CCDC85A: variants seen among roughly 807,000 people sequenced by gnomAD.
CCDC85A encodes the protein coiled-coil domain-containing protein 85A.
In CCDC85A, 38 loss-of-function variants were observed where a neutral mutation model predicts 50.2. That is an observed-to-expected ratio of 0.76 (90% CI 0.58 to 0.99). CCDC85A has a LOEUF of 0.99. CCDC85A is among the 50% of genes least tolerant of loss of function. The pLI is 0.00. For missense variants in CCDC85A, 820 were observed against 742.0 expected (o/e 1.11, Z -1.22); for synonymous variants, 366 against 301.4 (o/e 1.21, Z -2.22).
chr2:56,344,398 A>T (rs550748435), intron 3 of CCDC85A, among the ~76,000 whole-genome samples: 1 of 152,304 alleles, frequency 6.6e-6, no homozygotes, highest in East Asian at 1.9e-4. Context: ...ATGGAGCAGG[A>T]CAGCATGAGA....
At chr2:56,265,056 T>C (rs76326242) in intron 2 of CCDC85A, among the ~76,000 whole-genome samples, 4,940 of 152,242 alleles carry the variant, frequency 0.032, 96 homozygotes, top group South Asian at 0.1. Context: ...CCTTCCTTTA[T>C]TTTTCTCCAT....
chr2:56,330,430 T>G (rs1478481612), intron 2 of CCDC85A, among the ~76,000 whole-genome samples: 2 of 152,212 alleles, frequency 1.3e-5, no homozygotes, highest in East Asian at 3.9e-4. Flanking sequence ...TAACTGCATC[T>G]TGAATAATTG....
chr2:56,283,935 T>G (rs775615460), intron 2 of CCDC85A, among the ~76,000 whole-genome samples: 1 of 152,108 alleles, frequency 6.6e-6, no homozygotes, highest in Non-Finnish European at 1.5e-5. Flanking sequence ...TTTCTTGTCT[T>G]TTTCCATAGC....
intron 1 of CCDC85A, among the ~76,000 whole-genome samples, chr2:56,186,622 G>C (rs1244772097): frequency 6.6e-6 from 1 of 152,162 alleles, no homozygotes; most frequent in African/African-American, 2.4e-5. Context: ...GTGTGATTTA[G>C]AAGAGTTGGA....
intron 3 of CCDC85A, among the ~76,000 whole-genome samples, chr2:56,357,011 G>A (rs934282556): frequency 2.0e-5 from 3 of 150,470 alleles, no homozygotes; most frequent in African/African-American, 4.9e-5. Flanking sequence ...CCTGGGAGGC[G>A]GAGCTTGCAG....
intron 2 of CCDC85A, among the ~76,000 whole-genome samples, chr2:56,340,811 G>T (rs1674324543): frequency 1.3e-5 from 2 of 148,392 alleles, no homozygotes; most frequent in African/African-American, 4.9e-5. Flanking sequence ...GGGAGGCGGA[G>T]GTTGTGGTGA....
At chr2:56,206,511 AGGCAAGAG>A (rs1029211698) in intron 2 of CCDC85A, among the ~76,000 whole-genome samples, 4 of 152,204 alleles carry the variant, frequency 2.6e-5, no homozygotes, top group East Asian at 1.9e-4. Flanking sequence ...CCATGGTGGG[AGGCAAGAG>A]GGCAAGAGGG....
At chr2:56,268,113 A>C (rs911937537) in intron 2 of CCDC85A, among the ~76,000 whole-genome samples, 1 of 152,212 alleles carries the variant, frequency 6.6e-6, no homozygotes, top group Non-Finnish European at 1.5e-5. Context: ...TATTTTTGGA[A>C]GATTTACATG....
intron 3 of CCDC85A, among the ~76,000 whole-genome samples, chr2:56,356,280 G>T (rs7566181): frequency 0.72 from 108,979 of 151,604 alleles, 39,359 homozygotes; most frequent in East Asian, 0.93. Context: ...AGAGTTTTAA[G>T]CAAAGGGGCC....
intron 2 of CCDC85A, among the ~76,000 whole-genome samples, chr2:56,281,708 GTGAAGTGTC>G (rs1487075534): frequency 1.3e-5 from 2 of 152,080 alleles, no homozygotes; most frequent in Non-Finnish European, 2.9e-5. Flanking sequence ...GTCTTTTTTA[GTGAAGTGTC>G]TGTTCATGGA....
At chr2:56,323,663 C>G (rs1277305188) in intron 2 of CCDC85A, among the ~76,000 whole-genome samples, 1 of 152,142 alleles carries the variant, frequency 6.6e-6, no homozygotes, top group East Asian at 1.9e-4. Context: ...TATCACAAAG[C>G]AAGTAGTTTT....
At chr2:56,234,756 A>T (rs1004294291) in intron 2 of CCDC85A, among the ~76,000 whole-genome samples, 1 of 152,040 alleles carries the variant, frequency 6.6e-6, no homozygotes, top group Admixed American at 6.6e-5. Flanking sequence ...CTCCTTGATT[A>T]TGTATTCATC....
intron 2 of CCDC85A, among the ~76,000 whole-genome samples, chr2:56,246,286 C>A (rs1265295503): frequency 6.6e-6 from 1 of 152,170 alleles, no homozygotes. Flanking sequence ...ATACAAGTTG[C>A]TTATCAAATA....
chr2:56,362,794 AT>A (rs529449779), intron 3 of CCDC85A, among the ~76,000 whole-genome samples: 6 of 149,412 alleles, frequency 4.0e-5, no homozygotes, highest in Non-Finnish European at 7.4e-5. Flanking sequence ...AATTTTTTGT[AT>A]TTTTTTTTAG....
chr2:56,196,592 G>C (rs146305440), intron 2 of CCDC85A, among the ~76,000 whole-genome samples: 1 of 152,104 alleles, frequency 6.6e-6, no homozygotes, highest in African/African-American at 2.4e-5. Context: ...TAGCTGGCAG[G>C]CCTTTGCTTT....
At position 56,192,506 on chromosome 2, in the gene CCDC85A, C is replaced by A. The variant is rs1416652092; in HGVS notation, c.306C>A (p.Asn102Lys). Residue 102 changes from asparagine to lysine, a missense_variant, in exon 2 of 6, where the codon AAC (asparagine) becomes AAA (lysine). Asn to Lys is a moderately conservative substitution (Grantham distance 94, BLOSUM62 0). Coordinates refer to ENST00000407595, the MANE Select transcript of CCDC85A (RefSeq NM_001080433.2). This position sits in a 1 kb window ranked among gnomAD's most constrained non-coding sequence, Gnocchi z 4.7. ...TCAACCAGAAACTCCAGGAAGACAA[C>A]CAGGAACTGAGGGACCTCTGCTGTT... ...KDINQKLQED[N>K]QELRDLCCFL... 1.9e-6 allele frequency: 3 copies of A among 1,613,100 alleles called. No individual in the cohort carries two copies. Among genetic ancestry groups the A allele is most frequent in the African/African-American group, 1.3e-5 (1 of 74,842 alleles).
chr2:56,198,129 A>G (rs190183316), intron 2 of CCDC85A, among the ~76,000 whole-genome samples: 2 of 152,362 alleles, frequency 1.3e-5, no homozygotes, highest in Admixed American at 6.5e-5. Context: ...GGCCTTGTCT[A>G]TGAGGGGTCA....
chr2:56,247,083 C>T (rs762035769), intron 2 of CCDC85A, among the ~76,000 whole-genome samples: 14 of 151,980 alleles, frequency 9.2e-5, no homozygotes, highest in Non-Finnish European at 1.8e-4. Context: ...AAATCATGTC[C>T]CCTCAAAATG....
intron 2 of CCDC85A, among the ~76,000 whole-genome samples, chr2:56,257,587 G>A (rs1553400570): frequency 6.6e-6 from 1 of 152,138 alleles, no homozygotes; most frequent in Non-Finnish European, 1.5e-5. Context: ...AGGAAGGTAG[G>A]TTTGGGCATA....
Sources: allele counts gnomAD v4.1 joint callset (sites outside exome capture counted in the v4.1 genomes callset), GRCh38; gene constraint gnomAD v4.1.1; non-coding constraint Gnocchi (gnomAD v3.1); transcripts MANE v1.5; gene names NCBI Gene and HGNC (gene_info 2026-07-23, HGNC 2026-07-21).